CACNA2D4: variants seen among roughly 807,000 people sequenced by gnomAD.
The protein encoded by CACNA2D4 is voltage-dependent calcium channel subunit alpha-2/delta-4.
CACNA2D4 carries 157 observed loss-of-function variants against 163.8 expected under a neutral mutation model. The observed-to-expected ratio is 0.96, with a 90% CI of 0.84 to 1.09. The LOEUF is 1.09. Among genes scored for constraint, CACNA2D4 ranks in the 50% least tolerant of loss-of-function variants. CACNA2D4 has a pLI of 0.00. For synonymous variants in CACNA2D4, 598 were observed against 586.9 expected, an observed-to-expected ratio of 1.02 and a Z score of -0.27; for missense variants, 1,410 against 1,479.9, an observed-to-expected ratio of 0.95 and a Z score of 0.78.
chr12:1,822,921 C>T (rs1421529436), intron 26 of CACNA2D4, among the ~76,000 whole-genome samples: 1 of 152,206 alleles, frequency 6.6e-6, no homozygotes, highest in Non-Finnish European at 1.5e-5. Context: ...GGCTCCCTCT[C>T]AGCCTTCCTG....
intron 26 of CACNA2D4, among the ~76,000 whole-genome samples, chr12:1,814,182 G>T (rs1863803558): frequency 6.6e-6 from 1 of 152,146 alleles, no homozygotes; most frequent in African/African-American, 2.4e-5. Flanking sequence ...TGATGGCTCA[G>T]TGTCAAGTCG....
chr12:1,839,774 G>A (rs1166556729), intron 26 of CACNA2D4, among the ~76,000 whole-genome samples: 1 of 151,968 alleles, frequency 6.6e-6, no homozygotes, highest in African/African-American at 2.4e-5. Flanking sequence ...AATAGGAGAC[G>A]GAGCAGGTAA....
intron 6 of CACNA2D4, among the ~76,000 whole-genome samples, chr12:1,897,051 C>G (rs1176731210): frequency 7.5e-6 from 1 of 133,536 alleles, no homozygotes; most frequent in Non-Finnish European, 1.6e-5. Flanking sequence ...AAACACTGGG[C>G]CGGGAGCGGT....
At chr12:1,896,115 T>A (rs1389338423) in intron 6 of CACNA2D4, among the ~76,000 whole-genome samples, 1 of 152,082 alleles carries the variant, frequency 6.6e-6, no homozygotes, top group East Asian at 1.9e-4. Flanking sequence ...TAAATGTAAG[T>A]CCCCAAACTA....
Position 1,792,123 on chromosome 12 carries a change from C to T in CACNA2D4, c.*1532G>A, listed in dbSNP as rs536403579. 2 of 152,138 alleles carry T rather than the reference C, an allele frequency of 1.3e-5. No individual in the cohort carries two copies. The highest frequency in any genetic ancestry group is 4.1e-4 in the South Asian group (2 of 4,830). 9.4% of individuals were successfully genotyped at this position (152,138 alleles called of 1,614,324 possible). A position where few individuals can be genotyped will look rare whatever the true frequency, so the allele number is the denominator to read the frequency against. On this transcript the variant is annotated 3_prime_UTR_variant, in exon 38 of 38. Transcript: ENST00000382722. ...TATAACATGGGACTAATGATAGTAC[C>T]CACTTTCAGGGGGCTGTTGTGAGGA... is the stretch of plus-strand genomic sequence containing the variant.
chr12:1,807,066 A>C (rs1464566932), intron 29 of CACNA2D4, among the ~76,000 whole-genome samples: 2 of 152,012 alleles, frequency 1.3e-5, no homozygotes, highest in Middle Eastern at 3.4e-3. Context: ...TAGGTTGGAC[A>C]TAGTAACTTG....
intron 23 of CACNA2D4, 54 bp downstream of exon 23, chr12:1,853,897 C>T: frequency 1.4e-6 from 2 of 1,437,912 alleles, no homozygotes; most frequent in East Asian, 2.3e-5. Flanking sequence ...CCAACTTAGC[C>T]AAGGGAATTC....
rs965240556 is a variant in CACNA2D4 at position 1,798,403 on chromosome 12, G to C, written c.2996-868C>G. On this transcript the variant is annotated intron_variant, in intron 34 of 37. Coordinates refer to ENST00000382722, the MANE Select transcript of CACNA2D4 (RefSeq NM_172364.5). This position sits in a 1 kb window ranked among gnomAD's most constrained non-coding sequence, Gnocchi z 4.3. ...CATGCAGAGTCCTACAGGAGAGCAT[G>C]GGTCTCCCCAGCTTCCAAATCCAGA... is the stretch of plus-strand genomic sequence containing the variant. 2.6e-5 allele frequency among the ~76,000 whole-genome samples: 4 copies of C among 152,116 alleles called. No individual in the cohort carries two copies. The highest frequency in any genetic ancestry group is 5.9e-5 in the Non-Finnish European group (4 of 67,996).
intron 18 of CACNA2D4, among the ~76,000 whole-genome samples, chr12:1,871,812 A>G (rs1865794474): frequency 1.3e-5 from 2 of 152,194 alleles, no homozygotes. Flanking sequence ...CAGTCAGTGC[A>G]GTTAATTTGG....
intron 6 of CACNA2D4, among the ~76,000 whole-genome samples, chr12:1,906,830 G>C (rs74059655): frequency 6.7e-4 from 102 of 152,304 alleles, no homozygotes; most frequent in African/African-American, 2.4e-3. Flanking sequence ...GAGTCCTCTC[G>C]GGCCTTTCTG....
At chr12:1,795,112 A>C in intron 37 of CACNA2D4, 187 bp downstream of exon 37, 1 of 603,334 alleles carries the variant, frequency 1.7e-6, no homozygotes, top group East Asian at 2.8e-5. Context: ...CAAAGACTAA[A>C]TAAAGATCTG....
rs780080486 is a variant in CACNA2D4 at position 1,834,715 on chromosome 12, G to A, written c.2551+6024C>T. 19 of 1,589,530 alleles carry A rather than the reference G, an allele frequency of 1.2e-5. 1 individual carries two copies. Among genetic ancestry groups the A allele is most frequent in the Non-Finnish European group, 1.5e-5 (18 of 1,170,676 alleles). On this transcript the variant is annotated intron_variant, in intron 26 of 37. Coordinates refer to ENST00000382722, the MANE Select transcript of CACNA2D4 (RefSeq NM_172364.5). The surrounding 1 kb of genome is among the most constrained non-coding windows in gnomAD (Gnocchi z 7.6). ...AGGACCAGAAGCAGATCTCTTCTGT[G>A]GCCTGAGCGCCCATCCCCACCCGGC...
At chr12:1,889,537 G>C (rs1374591087) in intron 6 of CACNA2D4, among the ~76,000 whole-genome samples, 1 of 151,820 alleles carries the variant, frequency 6.6e-6, no homozygotes, top group African/African-American at 2.4e-5. Context: ...TATTGCCCAG[G>C]ATGGTCCTGA....
chr12:1,864,712 G>A (rs778995711), intron 18 of CACNA2D4, among the ~76,000 whole-genome samples: 2 of 152,226 alleles, frequency 1.3e-5, no homozygotes, highest in Admixed American at 1.3e-4. Flanking sequence ...GATCCGAACT[G>A]GTTGCCTTCC....
intron 27 of CACNA2D4, among the ~76,000 whole-genome samples, chr12:1,810,788 G>C (rs548037484): frequency 6.6e-6 from 1 of 152,306 alleles, no homozygotes; most frequent in African/African-American, 2.4e-5. Context: ...TGTGTGAGGT[G>C]TGTGCATGTG....
intron 35 of CACNA2D4, among the ~76,000 whole-genome samples, chr12:1,796,158 C>G (rs1863118886): frequency 6.6e-6 from 1 of 152,214 alleles, no homozygotes; most frequent in Non-Finnish European, 1.5e-5. Flanking sequence ...GGGGCAGGCC[C>G]GGGCGAAGCG....
chr12:1,907,710 TCTGGTGGACGGC>T (rs1390597485), intron 5 of CACNA2D4, 139 bp from the exon 6 acceptor site: 46 of 1,162,320 alleles, frequency 4.0e-5, no homozygotes, highest in Non-Finnish European at 5.4e-5. Flanking sequence ...GGTGGGCGTG[TCTGGTGGACGGC>T]CTGGTGGGCG....
intron 1 of CACNA2D4, among the ~76,000 whole-genome samples, chr12:1,916,740 C>T (rs1866992536): frequency 6.6e-6 from 1 of 152,092 alleles, no homozygotes; most frequent in Non-Finnish European, 1.5e-5. Context: ...CTGGATTGGG[C>T]ATGAGGAGGG....
At chr12:1,907,726 G>C (rs1866695772) in intron 5 of CACNA2D4, 149 bp downstream of exon 5, 2 of 1,208,074 alleles carry the variant, frequency 1.7e-6, no homozygotes, top group Non-Finnish European at 2.3e-6. Flanking sequence ...GGACGGCCTG[G>C]TGGGCGTGCC....
Sources: gnomAD v4.1 joint callset for allele counts (sites outside exome capture counted in the v4.1 genomes callset) on GRCh38, gnomAD v4.1.1 for gene constraint, Gnocchi (gnomAD v3.1) non-coding constraint, MANE v1.5 for transcripts, NCBI Gene and HGNC (gene_info 2026-07-23, HGNC 2026-07-21) for gene names.